TMEM17: variants seen among roughly 807,000 people sequenced by gnomAD.
TMEM17 encodes the protein transmembrane protein 17.
Under a neutral mutation model 19.1 loss-of-function variants are expected in TMEM17, and 15 were observed. The ratio of observed to expected loss-of-function variants is 0.78; its 90% CI spans 0.52 to 1.21. The LOEUF (loss-of-function observed/expected upper bound fraction) is 1.21, where lower values mean the gene tolerates loss of function less well. TMEM17 is among the 50% of genes most tolerant of loss of function. The pLI, the probability that TMEM17 is intolerant of heterozygous loss-of-function variation, is 0.00. For synonymous variants in TMEM17, 103 were observed against 86.9 expected, an observed-to-expected ratio of 1.19 and a Z score of -1.03; for missense variants, 245 against 242.3, an observed-to-expected ratio of 1.01 and a Z score of -0.07.
the TMEM17 span, among the ~76,000 whole-genome samples, chr2:62,459,646 G>A: frequency 6.6e-6 from 1 of 152,204 alleles, no homozygotes; most frequent in South Asian, 2.1e-4. Flanking sequence ...TAATTTTCAT[G>A]TAGTCTGCAT....
intron 1 of TMEM17, 37 bp downstream of exon 1, chr2:62,505,993 C>T: frequency 7.0e-6 from 11 of 1,565,012 alleles, no homozygotes; most frequent in Non-Finnish European, 9.6e-6. Context: ...AAGCCCTCGG[C>T]AGGCCACACC....
chr2:62,480,108 C>T, the TMEM17 span, among the ~76,000 whole-genome samples: 10 of 152,084 alleles, frequency 6.6e-5, no homozygotes, highest in African/African-American at 1.7e-4. Context: ...CCACTCTAAC[C>T]GGAGTGAGAT....
chr2:62,464,890 G>A, the TMEM17 span, among the ~76,000 whole-genome samples: 1 of 152,158 alleles, frequency 6.6e-6, no homozygotes, highest in Non-Finnish European at 1.5e-5. Flanking sequence ...GATCTGGGTG[G>A]TGCCAGCTGA....
the TMEM17 span, among the ~76,000 whole-genome samples, chr2:62,485,825 A>G: frequency 6.6e-6 from 1 of 152,212 alleles, no homozygotes; most frequent in Non-Finnish European, 1.5e-5. Context: ...GTCTGCCCCA[A>G]TCAGTGAACG....
the TMEM17 span, among the ~76,000 whole-genome samples, chr2:62,488,293 G>A: frequency 1.9e-3 from 296 of 152,166 alleles, 10 homozygotes; most frequent in Admixed American, 0.019. Context: ...AACACAGATA[G>A]CTACTGTAGA....
the TMEM17 span, among the ~76,000 whole-genome samples, chr2:62,467,220 G>A: frequency 7.1e-6 from 1 of 141,738 alleles, no homozygotes; most frequent in South Asian, 2.2e-4. Context: ...CCCCACCCCT[G>A]CACCTGCCCC....
the TMEM17 span, among the ~76,000 whole-genome samples, chr2:62,473,291 G>A: frequency 1.3e-5 from 2 of 152,254 alleles, no homozygotes; most frequent in South Asian, 2.1e-4. Flanking sequence ...CAACCACACC[G>A]CCAAAACCCA....
At chr2:62,464,582 AT>A in the TMEM17 span, among the ~76,000 whole-genome samples, 1 of 152,218 alleles carries the variant, frequency 6.6e-6, no homozygotes, top group African/African-American at 2.4e-5. Flanking sequence ...TAACTGCCCA[AT>A]GGGTTCACCT....
chr2:62,502,271 G>A, intron 3 of TMEM17, 166 bp downstream of exon 3: 1 of 479,268 alleles, frequency 2.1e-6, no homozygotes, highest in Non-Finnish European at 3.8e-6. Flanking sequence ...GGAAACCAGG[G>A]CTCAAGAGAT....
the TMEM17 span, among the ~76,000 whole-genome samples, chr2:62,472,262 T>G: frequency 6.6e-6 from 1 of 152,162 alleles, no homozygotes; most frequent in South Asian, 2.1e-4. Context: ...ACACAAGAAA[T>G]GTCACAAACA....
chr2:62,473,086 C>T, the TMEM17 span, among the ~76,000 whole-genome samples: 1 of 152,144 alleles, frequency 6.6e-6, no homozygotes, highest in African/African-American at 2.4e-5. Context: ...TGGCTTCTCA[C>T]CTAGAGATGA....
the TMEM17 span, among the ~76,000 whole-genome samples, chr2:62,481,695 A>G: frequency 1.4e-4 from 13 of 92,828 alleles, no homozygotes; most frequent in Non-Finnish European, 2.7e-4. Context: ...AGAACCCCTT[A>G]AAGGTGTGTG....
At chr2:62,487,204 T>C in the TMEM17 span, among the ~76,000 whole-genome samples, 1 of 152,202 alleles carries the variant, frequency 6.6e-6, no homozygotes, top group Non-Finnish European at 1.5e-5. Flanking sequence ...TTCTGGAGGC[T>C]CAAGGAGAAT....
At chr2:62,474,510 C>G in the TMEM17 span, among the ~76,000 whole-genome samples, 1 of 152,302 alleles carries the variant, frequency 6.6e-6, no homozygotes, top group South Asian at 2.1e-4. Context: ...AAAATAGCAG[C>G]AGCTAAGGGG....
chr2:62,493,240 C>T, the TMEM17 span, among the ~76,000 whole-genome samples: 1 of 151,954 alleles, frequency 6.6e-6, no homozygotes, highest in African/African-American at 2.4e-5. Context: ...GTTGCCCAGG[C>T]TGGTCTCAAA....
chr2:62,486,339 T>A, the TMEM17 span, among the ~76,000 whole-genome samples: 6 of 145,168 alleles, frequency 4.1e-5, no homozygotes, highest in African/African-American at 1.5e-4. Flanking sequence ...AAGCTTTATA[T>A]CTTGAGCAGG....
the TMEM17 span, among the ~76,000 whole-genome samples, chr2:62,470,563 C>T: frequency 6.6e-6 from 1 of 152,214 alleles, no homozygotes; most frequent in Non-Finnish European, 1.5e-5. Flanking sequence ...TGACAACCAG[C>T]CCTCACCTCC....
downstream of TMEM17, among the ~76,000 whole-genome samples, chr2:62,498,480 G>A (rs1203228071): frequency 1.3e-5 from 2 of 151,102 alleles, no homozygotes; most frequent in Admixed American, 6.6e-5. Flanking sequence ...ACTTTGGGAG[G>A]CCGAGGCGGG....
the TMEM17 span, among the ~76,000 whole-genome samples, chr2:62,488,737 T>C: frequency 6.6e-6 from 1 of 151,334 alleles, no homozygotes; most frequent in Non-Finnish European, 1.5e-5. Context: ...AGGCTGGATT[T>C]AAAAGGTTTA....
Sources: allele counts gnomAD v4.1 joint callset (sites outside exome capture counted in the v4.1 genomes callset), GRCh38; gene constraint gnomAD v4.1.1; transcripts MANE v1.5; gene names NCBI Gene and HGNC (gene_info 2026-07-23, HGNC 2026-07-21).